Variants in MYT1 observed in about 807,000 individuals in gnomAD.
MYT1 encodes myelin transcription factor I.
Under a neutral mutation model 123.0 loss-of-function variants are expected in MYT1, and 23 were observed. The observed-to-expected ratio is 0.19, with a 90% CI of 0.13 to 0.26. MYT1 has a LOEUF of 0.26. Ranked by LOEUF, MYT1 falls within the 10% of genes least tolerant of loss-of-function variation. The pLI is 1.00. For synonymous variants in MYT1, 518 were observed against 575.3 expected (o/e 0.90, Z 1.43); for missense variants, 1,125 against 1,472.5 (o/e 0.76, Z 3.86).
intron 17 of MYT1, 61 bp downstream of exon 17, chr20:64,227,538 T>C (rs1984204105): frequency 1.3e-5 from 19 of 1,458,304 alleles, no homozygotes; most frequent in Non-Finnish European, 1.7e-5. Context: ...CTCTTCCTTA[T>C]ATGAAGATTA....
chr20:64,209,198 A>G (rs1199258760), intron 7 of MYT1, among the ~76,000 whole-genome samples: 1 of 152,062 alleles, frequency 6.6e-6, no homozygotes, highest in Non-Finnish European at 1.5e-5. Flanking sequence ...ACGAATCCTG[A>G]GTAAACGGTT....
chr20:64,169,928 A>G (rs573161649), intron 1 of MYT1, among the ~76,000 whole-genome samples: 35 of 152,142 alleles, frequency 2.3e-4, no homozygotes, highest in Admixed American at 5.9e-4. Context: ...CGAATCTAAG[A>G]TCTTTCCAGC....
chr20:64,201,982 C>CTCGCGTGTCGGGAACCCCT (rs1430072830), intron 4 of MYT1, among the ~76,000 whole-genome samples: 21 of 79,722 alleles, frequency 2.6e-4, no homozygotes, highest in Non-Finnish European at 4.2e-4. Flanking sequence ...TCGGGAACCC[C>CTCGCGTGTCGGGAACCCCT]CGCGTGTCGG....
chr20:64,180,442 C>A (rs1209289296), intron 1 of MYT1, among the ~76,000 whole-genome samples: 1 of 152,200 alleles, frequency 6.6e-6, no homozygotes, highest in Non-Finnish European at 1.5e-5. Flanking sequence ...TTTGATCCAC[C>A]TCTTTCCCCA....
In MYT1 at chr20:64,213,833, G is replaced by C. The variant is rs1983756783; in HGVS notation, c.1631+186G>C. On this transcript the variant is annotated intron_variant, in intron 10 of 22. Transcript: ENST00000328439. This position sits in a 1 kb window ranked among gnomAD's most constrained non-coding sequence, Gnocchi z 5.6. ...CCCCCAGGAGCAGAACTGCGGGGCA[G>C]TTTTGGAGCCACACAGGACAGAGTC... 6.6e-6 allele frequency among the ~76,000 whole-genome samples: 1 copy of C among 152,204 alleles called. No homozygotes were observed. Among genetic ancestry groups the C allele is most frequent in the Non-Finnish European group, 1.5e-5 (1 of 68,032 alleles).
In MYT1 at chr20:64,211,433, C is replaced by T. The variant is rs1601715255; in HGVS notation, c.1426+93C>T. The T allele has an allele frequency of 2.2e-6, 3 of 1,345,012 alleles. No individual in the cohort carries two copies. In the East Asian group the frequency reaches 7.3e-5, roughly 33 times the overall value. 83.3% of individuals were successfully genotyped at this position (1,345,012 alleles called of 1,614,324 possible). On this transcript the variant is annotated intron_variant, in intron 8 of 22. Coordinates refer to ENST00000328439, the MANE Select transcript of MYT1 (RefSeq NM_004535.3). ...TGTCTATGGGGAGGCGTGGCCTGCC[C>T]AGGGCCATAACCTTCCCCTTTGGTT...
rs376102742 is a variant in MYT1 at position 64,196,261 on chromosome 20, G to A, written c.1-2601G>A. On this transcript the variant is annotated intron_variant, in intron 2 of 22. Coordinates refer to ENST00000328439, the MANE Select transcript of MYT1 (RefSeq NM_004535.3). The surrounding 1 kb of genome is among the most constrained non-coding windows in gnomAD (Gnocchi z 4.3). The stretch of plus-strand genomic sequence containing the variant: ...GCCCAGCTGTCATTGTGTGGTGGGG[G>A]CAGAAGGTCTGGGGGGCTGCCGTCC... 4.6e-4 allele frequency among the ~76,000 whole-genome samples: 70 copies of A among 152,292 alleles called. No individual in the cohort carries two copies. Among genetic ancestry groups the A allele is most frequent in the African/African-American group, 1.6e-3 (67 of 41,558 alleles).
intron 16 of MYT1, among the ~76,000 whole-genome samples, chr20:64,224,808 A>G (rs1434208574): frequency 2.0e-5 from 3 of 152,080 alleles, no homozygotes; most frequent in African/African-American, 7.2e-5. Context: ...GGGCCTGAAT[A>G]ATTTAAGAGG....
rs1166271792 is a variant in MYT1 at position 64,190,490 on chromosome 20, A to G, written c.-1+330A>G. Among the ~76,000 whole-genome samples, 1 of 151,902 alleles carries G rather than the reference A, an allele frequency of 6.6e-6. No homozygotes were observed. Among genetic ancestry groups the G allele is most frequent in the Non-Finnish European group, 1.5e-5 (1 of 68,002 alleles). ...AGAGTTCAAGACCAGCCTGGCCAAC[A>G]TGGTGAAACCCCGTCTTTACTAAAA... On this transcript the variant is annotated intron_variant, in intron 2 of 22. Transcript: ENST00000328439. This position sits in a 1 kb window ranked among gnomAD's most constrained non-coding sequence, Gnocchi z 4.1.
intron 1 of MYT1, among the ~76,000 whole-genome samples, chr20:64,171,294 A>G (rs1982272008): frequency 6.6e-6 from 1 of 152,154 alleles, no homozygotes; most frequent in Non-Finnish European, 1.5e-5. Flanking sequence ...AAGTCCTGTA[A>G]GGAGTCTGCT....
At position 64,205,706 on chromosome 20, in the gene MYT1, C is replaced by A; in HGVS notation, c.303C>A (p.Asp101Glu). 1.9e-6 allele frequency: 3 copies of A among 1,614,162 alleles called. No homozygotes were observed. Among genetic ancestry groups the A allele is most frequent in the Non-Finnish European group, 2.5e-6 (3 of 1,180,006 alleles). Residue 101 changes from aspartate (D) to glutamate (E), a missense_variant, in exon 6 of 23, where the codon GAC becomes GAA. Asp to Glu is a conservative substitution (Grantham distance 45). Around this residue, in one of 4 missense-constraint regions of MYT1, gnomAD observed 406 missense variants for 432.2 expected, o/e 0.94. Coordinates refer to ENST00000328439, the MANE Select transcript of MYT1 (RefSeq NM_004535.3). ...SDGSEDTEVK[D>E]ASVSDESEGT... Reference sequence around the variant, plus strand: ...GCAGTGAGGACACTGAGGTGAAGGACGCCTCTGTTTCGGATGAATCGGAAG... The same window carrying A: ...GCAGTGAGGACACTGAGGTGAAGGAAGCCTCTGTTTCGGATGAATCGGAAG...
At chr20:64,227,293 G>T in intron 16 of MYT1, 122 bp from the exon 17 acceptor site, 1 of 788,882 alleles carries the variant, frequency 1.3e-6, no homozygotes, top group African/African-American at 1.7e-5. Flanking sequence ...TGCGGACAAG[G>T]GAATGTGGGT....
In MYT1 at chr20:64,167,200, G is replaced by A. The variant is rs548049657; in HGVS notation, c.-99+2461G>A. On this transcript the variant is annotated intron_variant, in intron 1 of 22. Coordinates refer to ENST00000328439, the MANE Select transcript of MYT1 (RefSeq NM_004535.3). The surrounding 1 kb of genome is among the most constrained non-coding windows in gnomAD (Gnocchi z 6.3). ...AACCCAGTACTGTGCAGAGAGAGCA[G>A]GAGAGGTTCCTGAAGACTGACAAAG... Among the ~76,000 whole-genome samples, 23 of 152,334 alleles carry A rather than the reference G, an allele frequency of 1.5e-4. No individual in the cohort carries two copies. The highest frequency in any genetic ancestry group is 1.3e-3 in the Admixed American group (20 of 15,306).
chr20:64,228,097 C>T (rs566267122), intron 18 of MYT1, 126 bp downstream of exon 18: 213 of 840,164 alleles, frequency 2.5e-4, no homozygotes, highest in Middle Eastern at 4.6e-4. Flanking sequence ...AACTGACCAA[C>T]GCCAACTTTC....
chr20:64,165,937 G>T (rs1982066385), intron 1 of MYT1, among the ~76,000 whole-genome samples: 1 of 152,140 alleles, frequency 6.6e-6, no homozygotes, highest in African/African-American at 2.4e-5. Flanking sequence ...GGGCCCACTC[G>T]GTGCTGAGGG....
chr20:64,190,312 G>C lies in MYT1; in HGVS notation c.-1+152G>C, dbSNP rs112786411. ...TTAGGTGAAGGGTAAATGGGGACTA[G>C]GATCAGCAATGATCCGGTCACTTTA... On this transcript the variant is annotated intron_variant, in intron 2 of 22. Coordinates refer to ENST00000328439, the MANE Select transcript of MYT1 (RefSeq NM_004535.3). This position sits in a 1 kb window ranked among gnomAD's most constrained non-coding sequence, Gnocchi z 4.1. Among the ~76,000 whole-genome samples the C allele has an allele frequency of 0.022, 3,349 of 152,350 alleles. 73 individuals carry two copies. Among genetic ancestry groups the C allele is most frequent in the South Asian group, 0.079 (382 of 4,830 alleles).
intron 1 of MYT1, among the ~76,000 whole-genome samples, chr20:64,172,463 A>C (rs1982315374): frequency 6.6e-6 from 1 of 152,192 alleles, no homozygotes; most frequent in Non-Finnish European, 1.5e-5. Flanking sequence ...CTGACCCTAA[A>C]GGGAATGTGA....
At position 64,239,885 on chromosome 20, in the gene MYT1, T is replaced by A. The variant is rs754736134; in HGVS notation, c.3219T>A (p.Asn1073Lys). The A allele has an allele frequency of 4.3e-6, 7 of 1,613,156 alleles. No homozygotes were observed. The African/African-American group carries it at 9.3e-5, about 22-fold the overall frequency. ...AGGCCCTCATCCAAAGTCTCGCCAATATCCGCCTTCCGCACATGGTAGGCA... is the reference window on the plus strand; with the variant it reads ...AGGCCCTCATCCAAAGTCTCGCCAAAATCCGCCTTCCGCACATGGTAGGCA... ...LSQALIQSLA[N>K]IRLPHMEPIC... Residue 1073 changes from asparagine (N) to lysine (K), a missense_variant, in exon 22 of 23, where the codon AAT (asparagine) becomes AAA (lysine). Transcript: ENST00000328439.
chr20:64,217,644 G>A (rs1199937707), intron 11 of MYT1, among the ~76,000 whole-genome samples: 1 of 152,226 alleles, frequency 6.6e-6, no homozygotes, highest in Non-Finnish European at 1.5e-5. Context: ...CTGTCCTCCT[G>A]CTACCTGTTT....
Sources: gnomAD v4.1 joint callset for allele counts (sites outside exome capture counted in the v4.1 genomes callset) on GRCh38, gnomAD v4.1.1 for gene constraint, gnomAD v4.1.1 regional missense constraint, Gnocchi (gnomAD v3.1) non-coding constraint, MANE v1.5 for transcripts, NCBI Gene and HGNC (gene_info 2026-07-23, HGNC 2026-07-21) for gene names.